Variants in NF1 observed in about 807,000 individuals in gnomAD.
NF1 encodes neurofibromin 1, also known as neurofibromin.
Under a neutral mutation model 325.7 loss-of-function variants are expected in NF1, and 122 were observed. The observed-to-expected ratio is 0.37, with a 90% CI of 0.32 to 0.44. NF1 has a LOEUF of 0.44. Ranked by LOEUF, NF1 falls within the 20% of genes least tolerant of loss-of-function variation. NF1 has a pLI of 1.00. For synonymous variants in NF1, 1,091 were observed against 1,186.0 expected (o/e 0.92, Z 1.65); for missense variants, 2,140 against 3,415.4 (o/e 0.63, Z 9.31).
chr17:31,226,354 C>G (rs540139177), intron 17 of NF1, 81 bp from the exon 18 acceptor site: 1 of 1,538,844 alleles, frequency 6.5e-7, no homozygotes, highest in South Asian at 1.2e-5. Context: ...CACACACACA[C>G]ACACAGTTTA....
chr17:31,326,142 G>C lies in NF1; in HGVS notation c.5158G>C (p.Glu1720Gln), dbSNP rs2069335393. The C allele has an allele frequency of 6.2e-7, 1 of 1,613,164 alleles. No homozygotes were observed. The highest frequency in any genetic ancestry group is 8.5e-7 in the Non-Finnish European group (1 of 1,179,514). ...DCPGKLAEHIEHEQQKLPAAT... is the reference protein window; with the variant it reads ...DCPGKLAEHIQHEQQKLPAAT... Reference sequence around the variant, plus strand: ...TCCTGGGAAACTGGCTGAGCACATAGAGCATGAACAACAGAAACTACCTGC... The same window carrying C: ...TCCTGGGAAACTGGCTGAGCACATACAGCATGAACAACAGAAACTACCTGC... The change falls in exon 37 of 58, where the codon GAG becomes CAG. Residue 1720 changes from glutamate (E) to glutamine (Q), a missense_variant. Physicochemically the swap from Glu to Gln is conservative, Grantham distance 29 (BLOSUM62 2). Coordinates refer to ENST00000358273, the MANE Select transcript of NF1 (RefSeq NM_001042492.3).
intron 1 of NF1, among the ~76,000 whole-genome samples, chr17:31,097,139 A>T (rs1911800388): frequency 6.6e-6 from 1 of 152,114 alleles, no homozygotes; most frequent in African/African-American, 2.4e-5. Flanking sequence ...CTTATTTGCC[A>T]TATTGGAAAA....
chr17:31,098,705 G>A (rs968426795), intron 1 of NF1, among the ~76,000 whole-genome samples: 9 of 152,126 alleles, frequency 5.9e-5, no homozygotes, highest in Non-Finnish European at 8.8e-5. Context: ...AGGCCGAGGC[G>A]GGCCGATCAT....
rs982131997 is a variant in NF1, at chr17:31,178,407, C to T, written c.587-3015C>T. Reference sequence around the variant, plus strand: ...AAGGAACAACTGGTACCAACCACTGCAAAAACATAACAAATTGTAAAGACC... The same window carrying T: ...AAGGAACAACTGGTACCAACCACTGTAAAAACATAACAAATTGTAAAGACC... On this transcript the variant is annotated intron_variant, in intron 5 of 57. Coordinates refer to ENST00000358273, the MANE Select transcript of NF1 (RefSeq NM_001042492.3). Among the ~76,000 whole-genome samples, 3 of 152,202 alleles carry T rather than the reference C, an allele frequency of 2.0e-5. 1 individual carries two copies. The highest frequency in any genetic ancestry group is 4.4e-5 in the Non-Finnish European group (3 of 68,030).
chr17:31,293,016 G>GA (rs969631361), intron 36 of NF1, among the ~76,000 whole-genome samples: 6 of 151,246 alleles, frequency 4.0e-5, no homozygotes, highest in African/African-American at 1.5e-4. Flanking sequence ...CGTCTCTACT[G>GA]AAAATACAAA....
Position 31,113,492 on chromosome 17 carries a change from C to T in NF1, c.60+18123C>T, listed in dbSNP as rs117399826. Among the ~76,000 whole-genome samples, 8 of 152,124 alleles carry T rather than the reference C, an allele frequency of 5.3e-5. No individual in the cohort carries two copies. The East Asian group carries it at 1.5e-3, about 29-fold the overall frequency. ...CACCTGGCCTCAAGCTGTCCTCTCGCCTCGGCTTCCCAAAGTGCATGAGTC... is the reference window on the plus strand; with the variant it reads ...CACCTGGCCTCAAGCTGTCCTCTCGTCTCGGCTTCCCAAAGTGCATGAGTC... On this transcript the variant is annotated intron_variant, in intron 1 of 57. Coordinates refer to ENST00000358273, the MANE Select transcript of NF1 (RefSeq NM_001042492.3).
At chr17:31,318,929 T>G in intron 36 of NF1, 1 of 1,614,004 alleles carries the variant, frequency 6.2e-7, no homozygotes, top group Non-Finnish European at 8.5e-7. Flanking sequence ...TAGTTTGCTT[T>G]TGTTCCAGGA....
In NF1 at chr17:31,338,126, G is replaced by C. The variant is rs562367786; in HGVS notation, c.6806G>C (p.Arg2269Pro). ...VSHGQIKQIIRILSKALESCL... is the reference protein window; with the variant it reads ...VSHGQIKQIIPILSKALESCL... ...CATGGGCAGATAAAGCAGATAATCC[G>C]TATTCTTAGCAAGGTACCTGTTCCG... The change falls in exon 45 of 58, where the codon CGT becomes CCT. Residue 2269 changes from arginine to proline, a missense_variant. Physicochemically the swap from Arg to Pro is moderately radical, Grantham distance 103. This residue lies in a region of NF1 where 522 missense variants were observed against 749.0 expected (regional missense o/e 0.70). Transcript: ENST00000358273. The C allele has an allele frequency of 6.2e-7, 1 of 1,611,898 alleles. No individual in the cohort carries two copies. Among genetic ancestry groups the C allele is most frequent in the African/African-American group, 1.3e-5 (1 of 74,990 alleles).
intron 8 of NF1, among the ~76,000 whole-genome samples, chr17:31,185,996 G>A (rs1422196010): frequency 3.3e-5 from 5 of 152,086 alleles, no homozygotes; most frequent in East Asian, 1.9e-4. Flanking sequence ...TGGTGGAAAC[G>A]GAATGTTTAA....
At chr17:31,181,838 T>A (rs2143780024) in intron 7 of NF1, 53 bp downstream of exon 7, 1 of 1,232,198 alleles carries the variant, frequency 8.1e-7, no homozygotes, top group East Asian at 2.3e-5. Context: ...TGCCTACTTG[T>A]GACATAAAAA....
At chr17:31,220,918 A>G (rs1479663426) in intron 14 of NF1, among the ~76,000 whole-genome samples, 1 of 152,160 alleles carries the variant, frequency 6.6e-6, no homozygotes, top group Non-Finnish European at 1.5e-5. Flanking sequence ...TGAGAGCTAT[A>G]AATTATATAG....
intron 36 of NF1, among the ~76,000 whole-genome samples, chr17:31,287,385 A>C (rs939284948): frequency 1.3e-5 from 2 of 152,250 alleles, no homozygotes; most frequent in African/African-American, 2.4e-5. Context: ...GCCCAAGGTA[A>C]AAACACACAC....
In NF1 at chr17:31,226,463, C is replaced by T. The variant is rs2151425588; in HGVS notation, c.2030C>T (p.Pro677Leu). ...MDSAAGCSGT[P>L]PICRQAQTKL... ...AGTGCAGCAGGATGCAGCGGAACCC[C>T]CCCGATTTGCCGACAAGCCCAGACC... Residue 677 changes from proline (P) to leucine (L), a missense_variant, in exon 18 of 58, where the codon CCC (proline) becomes CTC (leucine). By Grantham distance (98) the Pro-to-Leu change is moderately conservative (BLOSUM62 -3). This residue lies in a region of NF1 where 380 missense variants were observed against 639.3 expected (regional missense o/e 0.59). Transcript: ENST00000358273. The T allele has an allele frequency of 6.2e-7, 1 of 1,613,764 alleles. No individual in the cohort carries two copies. Among genetic ancestry groups the T allele is most frequent in the Non-Finnish European group, 8.5e-7 (1 of 1,179,800 alleles).
At chr17:31,216,619 T>C (rs1318262315) in intron 13 of NF1, among the ~76,000 whole-genome samples, 1 of 152,132 alleles carries the variant, frequency 6.6e-6, no homozygotes, top group Non-Finnish European at 1.5e-5. Flanking sequence ...ACTGAAGTTA[T>C]GGCAGTCTCT....
intron 12 of NF1, 37 bp from the exon 13 acceptor site, chr17:31,214,414 T>G (rs750747286): frequency 6.6e-6 from 10 of 1,525,488 alleles, no homozygotes; most frequent in Non-Finnish European, 9.1e-6. Flanking sequence ...TTATCCTGAG[T>G]CTTATGTCTG....
chr17:31,180,439 A>G (rs1290972537), intron 5 of NF1, among the ~76,000 whole-genome samples: 1 of 152,246 alleles, frequency 6.6e-6, no homozygotes, highest in Non-Finnish European at 1.5e-5. Flanking sequence ...GCTGGTTTCA[A>G]CATATGCAAA....
chr17:31,159,581 T>C (rs1478383688), intron 3 of NF1, among the ~76,000 whole-genome samples: 4 of 152,200 alleles, frequency 2.6e-5, no homozygotes, highest in Non-Finnish European at 4.4e-5. Context: ...CACACAAATA[T>C]GCGATAGGTA....
rs759779844 is a variant in NF1 at position 31,199,860 on chromosome 17, G to T, written c.889-562G>T. Among the ~76,000 whole-genome samples, 3 of 152,274 alleles carry T rather than the reference G, an allele frequency of 2.0e-5. No homozygotes were observed. In the South Asian group the frequency reaches 6.2e-4, roughly 32 times the overall value. ...AGCTGAATTCAAAGTTGAAGGCTAG[G>T]TGTGGTGGCTCATGCCTGTAATTCT... On this transcript the variant is annotated intron_variant, in intron 8 of 57. Transcript: ENST00000358273.
intron 1 of NF1, among the ~76,000 whole-genome samples, chr17:31,150,674 A>G (rs1916867890): frequency 6.6e-6 from 1 of 152,168 alleles, no homozygotes; most frequent in Admixed American, 6.5e-5. Context: ...TATCAAGTAC[A>G]TAAAGCAGTC....
Sources: gnomAD v4.1 joint callset for allele counts (sites outside exome capture counted in the v4.1 genomes callset) on GRCh38, gnomAD v4.1.1 for gene constraint, gnomAD v4.1.1 regional missense constraint, MANE v1.5 for transcripts, NCBI Gene and HGNC (gene_info 2026-07-23, HGNC 2026-07-21) for gene names.